RMDN2: variants seen among roughly 807,000 people sequenced by gnomAD.
RMDN2 encodes the protein regulator of microtubule dynamics protein 2.
A neutral mutation model predicts 52.8 loss-of-function variants in RMDN2; 61 were observed. The ratio of observed to expected loss-of-function variants is 1.16; its 90% CI spans 0.94 to 1.43. RMDN2 has a LOEUF of 1.43. Among genes scored for constraint, RMDN2 ranks in the 40% most tolerant of loss-of-function variants. RMDN2 has a pLI of 0.00. For missense variants in RMDN2, 592 were observed against 475.3 expected, an observed-to-expected ratio of 1.25 and a Z score of -2.28; for synonymous variants, 180 against 153.1, an observed-to-expected ratio of 1.18 and a Z score of -1.30.
In RMDN2 at chr2:38,004,871, C is replaced by G. The variant is rs1385840360; in HGVS notation, c.1179+655C>G. Reference sequence around the variant, plus strand: ...CACTCCCCCCACCCCACAACAGGCCCCGGTGTGTGATGTTCCCGTTCCTGC... The same window carrying G: ...CACTCCCCCCACCCCACAACAGGCCGCGGTGTGTGATGTTCCCGTTCCTGC... On this transcript the variant is annotated intron_variant, in intron 10 of 10. Transcript: ENST00000354545. Among the ~76,000 whole-genome samples the G allele has an allele frequency of 2.0e-5, 3 of 151,830 alleles. No individual in the cohort carries two copies. In the South Asian group the frequency reaches 6.2e-4, roughly 32 times the overall value.
rs1346011309 is a variant in RMDN2 at position 37,997,517 on chromosome 2, A to G, written c.1044+3A>G. 1.3e-6 allele frequency: 2 copies of G among 1,571,594 alleles called. No individual in the cohort carries two copies. The highest frequency in any genetic ancestry group is 1.8e-6 in the Non-Finnish European group (2 of 1,141,508). On this transcript the variant is annotated splice_donor_region_variant and intron_variant, in intron 8 of 10. Coordinates refer to ENST00000354545, the MANE Select transcript of RMDN2 (RefSeq NM_001170791.3). ...AAGCTTTACACAATTTCCTTAAGGT[A>G]CATTTTGTGTATCCATTATTTTAGT...
rs1373778742 is a variant in RMDN2 at position 37,974,032 on chromosome 2, G to A, written c.453-8G>A. The stretch of plus-strand genomic sequence containing the variant: ...CAAAGGAGTTGATGATTATTTCTGC[G>A]ATTTTAGGTATATTACAGCTAATAC... On this transcript the variant is annotated splice_polypyrimidine_tract_variant and splice_region_variant and intron_variant, in intron 2 of 10. Coordinates refer to ENST00000354545, the MANE Select transcript of RMDN2 (RefSeq NM_001170791.3). 2.5e-6 allele frequency: 4 copies of A among 1,596,926 alleles called. No individual in the cohort carries two copies. Among genetic ancestry groups the A allele is most frequent in the Non-Finnish European group, 3.4e-6 (4 of 1,172,432 alleles).
chr2:37,990,033 C>T (rs2125130978), intron 6 of RMDN2, among the ~76,000 whole-genome samples: 1 of 151,200 alleles, frequency 6.6e-6, no homozygotes, highest in East Asian at 1.9e-4. Context: ...GTCCCAGCTA[C>T]TCAGGAGGCT....
intron 10 of RMDN2, among the ~76,000 whole-genome samples, chr2:38,037,736 C>A (rs1680678470): frequency 6.6e-6 from 1 of 152,210 alleles, no homozygotes; most frequent in African/African-American, 2.4e-5. Context: ...GAAAGAAATT[C>A]AAGGAAGGAG....
chr2:37,966,509 TTCTC>T (rs1191656675), intron 2 of RMDN2, among the ~76,000 whole-genome samples: 4 of 152,186 alleles, frequency 2.6e-5, no homozygotes, highest in Non-Finnish European at 5.9e-5. Flanking sequence ...TACTGCCACT[TTCTC>T]TCTCTTCTCC....
intron 2 of RMDN2, among the ~76,000 whole-genome samples, chr2:37,961,893 T>C (rs1030969121): frequency 6.6e-6 from 1 of 152,204 alleles, no homozygotes; most frequent in Non-Finnish European, 1.5e-5. Context: ...TCCTTTTTGT[T>C]GATTTTGATG....
intron 2 of RMDN2, among the ~76,000 whole-genome samples, chr2:37,939,754 C>T (rs1022762033): frequency 1.4e-4 from 22 of 152,166 alleles, no homozygotes; most frequent in African/African-American, 5.1e-4. Flanking sequence ...AATCATCTTC[C>T]ATCCCTTTAT....
Position 38,003,581 on chromosome 2 carries a change from T to C in RMDN2, c.1045-410T>C, listed in dbSNP as rs540589461. Among the ~76,000 whole-genome samples the C allele has an allele frequency of 4.6e-5, 7 of 151,598 alleles. No homozygotes were observed. The East Asian group carries it at 9.7e-4, about 21-fold the overall frequency. On this transcript the variant is annotated intron_variant, in intron 8 of 10. Coordinates refer to ENST00000354545, the MANE Select transcript of RMDN2 (RefSeq NM_001170791.3). ...ATAGATAGATAGATAGATAGATAGA[T>C]AGATAGATAGATAGATAGATAGGCA... is the stretch of plus-strand genomic sequence containing the variant.
chr2:38,066,123 T>C (rs930098422), intron 10 of RMDN2, among the ~76,000 whole-genome samples: 1 of 152,214 alleles, frequency 6.6e-6, no homozygotes, highest in Admixed American at 6.5e-5. Flanking sequence ...TCTAAATATA[T>C]AATTTTGGCC....
chr2:38,066,913 G>T, intron 10 of RMDN2: 1 of 1,514,634 alleles, frequency 6.6e-7, no homozygotes, highest in Non-Finnish European at 9.2e-7. Context: ...CTAAAGTGAG[G>T]TTCCCACGCC....
intron 2 of RMDN2, among the ~76,000 whole-genome samples, chr2:37,934,336 A>G (rs1019478175): frequency 3.3e-5 from 5 of 152,208 alleles, no homozygotes; most frequent in Non-Finnish European, 7.4e-5. Flanking sequence ...CACAAGTATT[A>G]TGGACCTATG....
At chr2:37,997,358 GAT>G in intron 7 of RMDN2, 56 bp from the exon 8 acceptor site, 1 of 1,029,358 alleles carries the variant, frequency 9.7e-7, no homozygotes, top group Non-Finnish European at 1.5e-6. Flanking sequence ...ACTGGGGAGA[GAT>G]AATCCATTCA....
chr2:37,972,247 T>G (rs6710923), intron 2 of RMDN2, among the ~76,000 whole-genome samples: 64,769 of 151,980 alleles, frequency 0.43, 15,259 homozygotes, highest in East Asian at 0.78. Context: ...TGTAGAATTT[T>G]TATTTTTATG....
intron 10 of RMDN2, among the ~76,000 whole-genome samples, chr2:38,055,189 C>G (rs17021902): frequency 6.6e-6 from 1 of 151,814 alleles, no homozygotes; most frequent in Non-Finnish European, 1.5e-5. Context: ...CTTGATGATC[C>G]GCCTAGTTTC....
At chr2:37,999,600 C>T (rs1017041242) in intron 8 of RMDN2, among the ~76,000 whole-genome samples, 1 of 152,064 alleles carries the variant, frequency 6.6e-6, no homozygotes, top group Non-Finnish European at 1.5e-5. Flanking sequence ...GTCTGGAGTG[C>T]TGAGGCTAAG....
chr2:37,977,871 G>C (rs373904347), intron 4 of RMDN2, among the ~76,000 whole-genome samples: 1 of 150,804 alleles, frequency 6.6e-6, no homozygotes, highest in South Asian at 2.1e-4. Flanking sequence ...CTCACATCCC[G>C]GACGATGGGC....
chr2:37,935,079 T>C (rs572393652), intron 2 of RMDN2, among the ~76,000 whole-genome samples: 1 of 152,306 alleles, frequency 6.6e-6, no homozygotes, highest in East Asian at 1.9e-4. Flanking sequence ...GCCCTAGATA[T>C]TTTCATTTAC....
In RMDN2 at chr2:38,026,006, A is replaced by C. The variant is rs564502327; in HGVS notation, c.1713+21790A>C. Among the ~76,000 whole-genome samples the C allele has an allele frequency of 2.6e-5, 4 of 152,212 alleles. No individual in the cohort carries two copies. In the South Asian group the frequency reaches 8.3e-4, roughly 32 times the overall value. ...CCTGCCTTCTTCATTTTCCTTAAAA[A>C]CTATGTAGAATTGATATCGTTTCTC... is the stretch of plus-strand genomic sequence containing the variant. On this transcript the variant is annotated intron_variant, in intron 10 of 10. Coordinates refer to the RMDN2 transcript ENST00000234195.
intron 10 of RMDN2, among the ~76,000 whole-genome samples, chr2:38,012,438 TAGAA>T (rs1208956581): frequency 5.9e-5 from 9 of 152,182 alleles, no homozygotes; most frequent in Non-Finnish European, 1.3e-4. Context: ...TAAGTGTTGA[TAGAA>T]AGAACCAAGG....
Sources: allele counts gnomAD v4.1 joint callset (sites outside exome capture counted in the v4.1 genomes callset), GRCh38; gene constraint gnomAD v4.1.1; transcripts MANE v1.5; gene names NCBI Gene and HGNC (gene_info 2026-07-23, HGNC 2026-07-21).